Variants in GPRC5A observed in about 807,000 individuals in gnomAD.
The protein encoded by GPRC5A is G protein-coupled receptor class C group 5 member A, also known as retinoic acid-induced protein 3.
Under a neutral mutation model 22.5 loss-of-function variants are expected in GPRC5A, and 19 were observed. That is an observed-to-expected ratio of 0.85 (90% CI 0.59 to 1.24). GPRC5A has a LOEUF of 1.24. Ranked by LOEUF, GPRC5A falls within the 50% of genes most tolerant of loss-of-function variation. The pLI is 0.00. For missense variants in GPRC5A, 471 were observed against 451.1 expected (o/e 1.04, Z -0.40); for synonymous variants, 192 against 184.5 (o/e 1.04, Z -0.33).
intron 1 of GPRC5A, among the ~76,000 whole-genome samples, chr12:12,892,766 T>G (rs1863776784): frequency 1.3e-5 from 2 of 152,220 alleles, no homozygotes; most frequent in Admixed American, 6.5e-5. Context: ...CTTCTTTCCA[T>G]TCCTGATTGT....
At position 12,917,273 on chromosome 12, in the gene GPRC5A, CCTG is replaced by C. The variant is rs1423217206; in HGVS notation, c.*4735_*4737del. ...GTGTGCGTGCGTGCGTGTATGTGCG[CCTG>C]ACCCTGATTTCTGCAACCTCCAGAT... On this transcript the variant is annotated 3_prime_UTR_variant, in exon 4 of 4. Transcript: ENST00000014914. The C allele has an allele frequency of 6.8e-6, 1 of 147,648 alleles. No individual in the cohort carries two copies. Among genetic ancestry groups the C allele is most frequent in the Non-Finnish European group, 1.5e-5 (1 of 67,272 alleles). The allele number at this position is 147,648 out of a possible 1,614,324, so 9.1% of individuals were successfully genotyped here. A position where few individuals can be genotyped will look rare whatever the true frequency, so the allele number is the denominator to read the frequency against.
rs777155606 is a variant in GPRC5A, at chr12:12,914,594, TTCTCTCTCTC to T, written c.*2069_*2078del. 1 of 81,544 alleles carries T rather than the reference TTCTCTCTCTC, an allele frequency of 1.2e-5. No individual in the cohort carries two copies. The highest frequency in any genetic ancestry group is 2.2e-5 in the Non-Finnish European group (1 of 45,296). The allele number at this position is 81,544 out of a possible 1,614,324, so 5.1% of individuals were successfully genotyped here. A position where few individuals can be genotyped will look rare whatever the true frequency, so the allele number is the denominator to read the frequency against. ...TTTCTTTCTTTCTTTCTTTCTTTCT[TTCTCTCTCTC>T]TCTCTCTCTCTCTTTCTTTCTTTCT... On this transcript the variant is annotated 3_prime_UTR_variant, in exon 4 of 4. Transcript: ENST00000014914.
chr12:12,906,680 C>T (rs1863945023), intron 1 of GPRC5A, among the ~76,000 whole-genome samples: 1 of 152,188 alleles, frequency 6.6e-6, no homozygotes, highest in South Asian at 2.1e-4. Flanking sequence ...TTCCTCTTTA[C>T]AGGTAGCCAA....
rs11610186 is a variant in GPRC5A at position 12,910,980 on chromosome 12, C to T, written c.923-1104C>T. ...CTGCCTCCCAGGTTCAAGCAATTCT[C>T]CTGCCTCAGCCTCCCGAGTAGCTGG... is the stretch of plus-strand genomic sequence containing the variant. On this transcript the variant is annotated intron_variant, in intron 2 of 3. Transcript: ENST00000014914. Among the ~76,000 whole-genome samples the T allele has an allele frequency of 8.6e-3, 1,308 of 151,780 alleles. 7 individuals are homozygous for T. The highest frequency in any genetic ancestry group is 0.014 in the Non-Finnish European group (967 of 67,970).
rs1863970469 is a variant in GPRC5A, at chr12:12,908,706, A to G, written c.457A>G (p.Ile153Val). 5 of 1,614,020 alleles carry G rather than the reference A, an allele frequency of 3.1e-6. No individual in the cohort carries two copies. In the East Asian group the frequency reaches 1.1e-4, roughly 36 times the overall value. Residue 153 changes from isoleucine to valine, a missense_variant, in exon 2 of 4, where the codon ATT (isoleucine) becomes GTT (valine). Coordinates refer to ENST00000014914, the MANE Select transcript of GPRC5A (RefSeq NM_003979.4). ...CCAGGATGTTATCGCTATTGAATATATTGTCCTGACCATGAATAGGACCAA... is the reference window on the plus strand; with the variant it reads ...CCAGGATGTTATCGCTATTGAATATGTTGTCCTGACCATGAATAGGACCAA... ...LVQDVIAIEYIVLTMNRTNVN... is the reference protein window; with the variant it reads ...LVQDVIAIEYVVLTMNRTNVN...
At chr12:12,911,647 C>T (rs1864006219) in intron 2 of GPRC5A, among the ~76,000 whole-genome samples, 1 of 152,088 alleles carries the variant, frequency 6.6e-6, no homozygotes, top group Admixed American at 6.6e-5. Context: ...CGCCACCACG[C>T]CTGGCTAATT....
At chr12:12,892,212 G>A (rs187761107) in intron 1 of GPRC5A, among the ~76,000 whole-genome samples, 1 of 152,198 alleles carries the variant, frequency 6.6e-6, no homozygotes, top group African/African-American at 2.4e-5. Context: ...TTCCACTCTG[G>A]TGTGCCTTGA....
At chr12:12,892,567 A>C (rs1476432707) in intron 1 of GPRC5A, among the ~76,000 whole-genome samples, 1 of 152,044 alleles carries the variant, frequency 6.6e-6, no homozygotes, top group Non-Finnish European at 1.5e-5. Flanking sequence ...GGGTTTCCCC[A>C]TGTTGGTCAG....
In GPRC5A at chr12:12,908,297, G is replaced by A. The variant is rs983680793; in HGVS notation, c.48G>A (p.Lys16=). ...PDGCRNGLKS[K]YYRLCDKAEA... Reference sequence around the variant, plus strand: ...GTTGCCGCAATGGCCTGAAATCCAAGTACTACAGACTTTGTGATAAGGCTG... The same window carrying A: ...GTTGCCGCAATGGCCTGAAATCCAAATACTACAGACTTTGTGATAAGGCTG... Residue 16 remains lysine, a synonymous_variant, in exon 2 of 4, where the codon AAG becomes AAA. Transcript: ENST00000014914. The A allele has an allele frequency of 9.9e-6, 16 of 1,610,114 alleles. No individual in the cohort carries two copies. The highest frequency in any genetic ancestry group is 1.1e-5 in the Non-Finnish European group (13 of 1,178,342).
intron 2 of GPRC5A, chr12:12,909,937 TA>T (rs1158941504): frequency 0.014 from 1,295 of 95,336 alleles, 2 homozygotes; most frequent in African/African-American, 0.028. Flanking sequence ...CATCTCTATT[TA>T]AAAAAAAAAA....
chr12:12,903,551 T>G (rs890277542), intron 1 of GPRC5A, among the ~76,000 whole-genome samples: 1 of 152,176 alleles, frequency 6.6e-6, no homozygotes, highest in Non-Finnish European at 1.5e-5. Context: ...CCTCCCAAAG[T>G]GCTAGGATTA....
rs1054446325 is a variant in GPRC5A, at chr12:12,912,668, C to T, written c.*129C>T. On this transcript the variant is annotated 3_prime_UTR_variant, in exon 4 of 4. Transcript: ENST00000014914. ...CACTACGGGAACAGTTTGCCTCCCT[C>T]CCAGCCTCAACCACAATTCTTCCAT... The T allele has an allele frequency of 1.6e-6, 1 of 642,346 alleles. No homozygotes were observed. The highest frequency in any genetic ancestry group is 2.5e-5 in the Admixed American group (1 of 40,032). 39.8% of individuals were successfully genotyped at this position (642,346 alleles called of 1,614,324 possible). A position where few individuals can be genotyped will look rare whatever the true frequency, so the allele number is the denominator to read the frequency against.
chr12:12,910,769 A>ATTGC (rs1197702820), intron 2 of GPRC5A, among the ~76,000 whole-genome samples: 2 of 151,622 alleles, frequency 1.3e-5, no homozygotes, highest in Non-Finnish European at 2.9e-5. Context: ...GGTCTGTCTC[A>ATTGC]TTGCACTGTT....
chr12:12,909,427 C>CCTT, intron 2 of GPRC5A: 1 of 397,236 alleles, frequency 2.5e-6, no homozygotes, highest in Non-Finnish European at 4.5e-6. Context: ...CCTCACTTCC[C>CCTT]CTTTCTTGTG....
At chr12:12,895,796 T>A (rs1252343384) in intron 1 of GPRC5A, among the ~76,000 whole-genome samples, 1 of 120,124 alleles carries the variant, frequency 8.3e-6, no homozygotes, top group Non-Finnish European at 1.6e-5. Flanking sequence ...ACTAACACAG[T>A]GAAACTCTGT....
At chr12:12,911,010 A>G (rs1863998218) in intron 2 of GPRC5A, among the ~76,000 whole-genome samples, 1 of 151,780 alleles carries the variant, frequency 6.6e-6, no homozygotes, top group South Asian at 2.1e-4. Flanking sequence ...AGCTGGGATT[A>G]CAGACGTGCA....
chr12:12,906,476 C>A (rs996489795), intron 1 of GPRC5A, among the ~76,000 whole-genome samples: 1 of 151,440 alleles, frequency 6.6e-6, no homozygotes, highest in East Asian at 2.0e-4. Context: ...AGGCTGAGGT[C>A]GGGGGAGGAT....
intron 1 of GPRC5A, among the ~76,000 whole-genome samples, chr12:12,897,227 TAAA>T (rs5796515): frequency 4.5e-5 from 4 of 88,288 alleles, no homozygotes; most frequent in African/African-American, 4.7e-5. Flanking sequence ...GACCCTGTCT[TAAA>T]AAAAAAAAAA....
intron 1 of GPRC5A, among the ~76,000 whole-genome samples, chr12:12,895,389 A>G (rs1863811725): frequency 6.6e-6 from 1 of 150,706 alleles, no homozygotes. Context: ...TTTTTTTCAA[A>G]ATAGTTACCA....
Sources: allele counts gnomAD v4.1 joint callset (sites outside exome capture counted in the v4.1 genomes callset), GRCh38; gene constraint gnomAD v4.1.1; transcripts MANE v1.5; gene names NCBI Gene and HGNC (gene_info 2026-07-23, HGNC 2026-07-21).